The following MYO1D variants were observed in gnomAD, a reference collection of about 807,000 sequenced individuals.
MYO1D encodes the protein unconventional myosin-Id.
A neutral mutation model predicts 122.0 loss-of-function variants in MYO1D; 83 were observed. The ratio of observed to expected loss-of-function variants is 0.68; its 90% CI spans 0.57 to 0.82. The LOEUF (loss-of-function observed/expected upper bound fraction) is 0.82. Ranked by LOEUF, MYO1D falls within the 40% of genes least tolerant of loss-of-function variation. The pLI is 0.00. For missense variants in MYO1D, 1,157 were observed against 1,269.5 expected (o/e 0.91, Z 1.35); for synonymous variants, 464 against 446.9 (o/e 1.04, Z -0.48).
intron 1 of MYO1D, among the ~76,000 whole-genome samples, chr17:32,872,983 ACC>A (rs1285902586): frequency 6.6e-6 from 1 of 152,242 alleles, no homozygotes; most frequent in Admixed American, 6.5e-5. Flanking sequence ...GGCGTGAGCC[ACC>A]GCGCCCGGCC....
chr17:32,777,485 T>C (rs1002780027), intron 3 of MYO1D, among the ~76,000 whole-genome samples: 2 of 151,894 alleles, frequency 1.3e-5, no homozygotes, highest in Non-Finnish European at 2.9e-5. Context: ...AGAAAGTGAG[T>C]CTTGTTGCTT....
chr17:32,493,496 T>A lies in MYO1D; in HGVS notation c.*1263A>T, dbSNP rs1908966221. 6.6e-6 allele frequency: 1 copy of A among 152,254 alleles called. No homozygotes were observed. The highest frequency in any genetic ancestry group is 1.5e-5 in the Non-Finnish European group (1 of 68,156). The allele number at this position is 152,254 out of a possible 1,614,324, so 9.4% of individuals were successfully genotyped here. On this transcript the variant is annotated 3_prime_UTR_variant, in exon 22 of 22. Transcript: ENST00000318217. ...CACTCCACCTGAGGCGTTGGCTCCC[T>A]CCCCCTCATCCTCTCACCACATGCC...
chr17:32,760,148 G>A (rs755990741), intron 10 of MYO1D, 142 bp downstream of exon 10: 65 of 810,238 alleles, frequency 8.0e-5, no homozygotes, highest in Non-Finnish European at 1.3e-4. Context: ...GAAATTAATT[G>A]TATTTACATA....
At chr17:32,790,069 T>G (rs890439830) in intron 1 of MYO1D, among the ~76,000 whole-genome samples, 4 of 152,208 alleles carry the variant, frequency 2.6e-5, no homozygotes, top group African/African-American at 9.7e-5. Context: ...CTTCTTCACC[T>G]ATATAGAGCA....
intron 8 of MYO1D, among the ~76,000 whole-genome samples, chr17:32,762,916 C>T (rs950818403): frequency 4.0e-5 from 6 of 150,470 alleles, no homozygotes; most frequent in South Asian, 2.1e-4. Context: ...CGGCCGGGTG[C>T]GGTGGCTCAC....
chr17:32,755,920 C>T (rs1326189009), intron 10 of MYO1D, among the ~76,000 whole-genome samples: 2 of 152,128 alleles, frequency 1.3e-5, no homozygotes, highest in East Asian at 1.9e-4. Context: ...AAGGTAGACA[C>T]CATTTCTCCC....
At chr17:32,572,406 CCT>C (rs1567894322) in intron 21 of MYO1D, among the ~76,000 whole-genome samples, 1 of 152,120 alleles carries the variant, frequency 6.6e-6, no homozygotes, top group Non-Finnish European at 1.5e-5. Context: ...ACAAACAAAT[CCT>C]CTCTTTCCCT....
chr17:32,741,932 A>G (rs1017299605), intron 13 of MYO1D, among the ~76,000 whole-genome samples: 13 of 150,782 alleles, frequency 8.6e-5, no homozygotes, highest in East Asian at 2.0e-4. Context: ...GGAGAATGGC[A>G]TGAACCTGGG....
intron 11 of MYO1D, among the ~76,000 whole-genome samples, chr17:32,752,085 G>A (rs774015672): frequency 6.6e-5 from 10 of 152,246 alleles, no homozygotes; most frequent in Non-Finnish European, 1.2e-4. Flanking sequence ...TAGACATATA[G>A]ATCAATGGGA....
intron 16 of MYO1D, among the ~76,000 whole-genome samples, chr17:32,693,789 A>G (rs2089136125): frequency 6.6e-6 from 1 of 152,196 alleles, no homozygotes; most frequent in South Asian, 2.1e-4. Flanking sequence ...AATAAGAAAC[A>G]AATTATTTTT....
At chr17:32,547,425 C>T (rs1294441949) in intron 21 of MYO1D, among the ~76,000 whole-genome samples, 1 of 152,208 alleles carries the variant, frequency 6.6e-6, no homozygotes, top group African/African-American at 2.4e-5. Flanking sequence ...GAATGTGAGG[C>T]TCTAAGTTAG....
At chr17:32,824,637 A>G (rs1185767492) in intron 1 of MYO1D, among the ~76,000 whole-genome samples, 1 of 152,238 alleles carries the variant, frequency 6.6e-6, no homozygotes, top group African/African-American at 2.4e-5. Context: ...TTACTGTCTG[A>G]GGTCCCCCGG....
chr17:32,534,732 C>T (rs1910611026), intron 21 of MYO1D, among the ~76,000 whole-genome samples: 1 of 152,096 alleles, frequency 6.6e-6, no homozygotes, highest in African/African-American at 2.4e-5. Flanking sequence ...ATATTAATTC[C>T]TTGTTTTTGG....
At chr17:32,789,374 C>T (rs1261484639) in intron 1 of MYO1D, among the ~76,000 whole-genome samples, 2 of 152,140 alleles carry the variant, frequency 1.3e-5, no homozygotes, top group African/African-American at 2.4e-5. Context: ...TTCAACTTTT[C>T]CCCATTCAGT....
intron 16 of MYO1D, among the ~76,000 whole-genome samples, chr17:32,667,835 T>C (rs1246967650): frequency 1.3e-5 from 2 of 152,234 alleles, no homozygotes; most frequent in Non-Finnish European, 2.9e-5. Flanking sequence ...GTGCACACAA[T>C]TGCTGCCTAT....
At chr17:32,729,501 C>G (rs1021113381) in intron 14 of MYO1D, among the ~76,000 whole-genome samples, 2 of 152,046 alleles carry the variant, frequency 1.3e-5, no homozygotes, top group Admixed American at 1.3e-4. Flanking sequence ...TAATACTTAT[C>G]AATCTTCCTG....
At chr17:32,547,083 TTTTG>T (rs2086970568) in intron 21 of MYO1D, among the ~76,000 whole-genome samples, 1 of 151,578 alleles carries the variant, frequency 6.6e-6, no homozygotes, top group East Asian at 1.9e-4. Flanking sequence ...ACATTTTTTT[TTTTG>T]TAAAGACAGC....
chr17:32,641,204 C>A (rs537839504), intron 19 of MYO1D, among the ~76,000 whole-genome samples: 1 of 150,244 alleles, frequency 6.7e-6, no homozygotes, highest in East Asian at 2.0e-4. Flanking sequence ...TTTGTCCTTG[C>A]GATAGTTTGC....
chr17:32,515,159 A>T (rs1909845537), intron 21 of MYO1D, among the ~76,000 whole-genome samples: 1 of 152,186 alleles, frequency 6.6e-6, no homozygotes, highest in African/African-American at 2.4e-5. Context: ...GACGAATGAA[A>T]CCAGGGCTGA....
Sources: gnomAD v4.1 joint callset for allele counts (sites outside exome capture counted in the v4.1 genomes callset) on GRCh38, gnomAD v4.1.1 for gene constraint, MANE v1.5 for transcripts, NCBI Gene and HGNC (gene_info 2026-07-23, HGNC 2026-07-21) for gene names.